The following EXT1 variants were observed in gnomAD, a reference collection of about 807,000 sequenced individuals.
EXT1 encodes exostosin glycosyltransferase 1.
A neutral mutation model predicts 82.5 loss-of-function variants in EXT1; 20 were observed. That is an observed-to-expected ratio of 0.24 (90% CI 0.17 to 0.35). The LOEUF is 0.35. EXT1 is among the 10% of genes least tolerant of loss of function. EXT1 has a pLI of 1.00. For synonymous variants in EXT1, 348 were observed against 350.8 expected (o/e 0.99, Z 0.09); for missense variants, 757 against 936.5 (o/e 0.81, Z 2.50).
chr8:117,961,345 G>A (rs568571953), intron 1 of EXT1, among the ~76,000 whole-genome samples: 1 of 152,280 alleles, frequency 6.6e-6, no homozygotes, highest in East Asian at 1.9e-4. Context: ...CAGATATGAG[G>A]AAGAAGCATA....
intron 1 of EXT1, among the ~76,000 whole-genome samples, chr8:117,973,457 T>C (rs966962287): frequency 6.6e-6 from 1 of 152,178 alleles, no homozygotes; most frequent in African/African-American, 2.4e-5. Context: ...AATTAACAGC[T>C]ATACTAGTGC....
At chr8:117,829,576 T>C (rs1368477946) in intron 4 of EXT1, among the ~76,000 whole-genome samples, 1 of 119,432 alleles carries the variant, frequency 8.4e-6, no homozygotes, top group South Asian at 2.7e-4. Flanking sequence ...TTTCTTTTTT[T>C]TTTTTTTTTT....
At chr8:117,896,487 C>T (rs1056769770) in intron 1 of EXT1, among the ~76,000 whole-genome samples, 1 of 152,122 alleles carries the variant, frequency 6.6e-6, no homozygotes, top group African/African-American at 2.4e-5. Flanking sequence ...GGTTAGCTGG[C>T]CTTTTAAAAG....
chr8:117,944,910 C>T (rs1002405461), intron 1 of EXT1, among the ~76,000 whole-genome samples: 2 of 152,190 alleles, frequency 1.3e-5, no homozygotes, highest in Non-Finnish European at 2.9e-5. Context: ...CGCCTGTAAT[C>T]CCAGCACTTT....
At chr8:117,859,541 C>A (rs1812644083) in intron 1 of EXT1, among the ~76,000 whole-genome samples, 1 of 152,018 alleles carries the variant, frequency 6.6e-6, no homozygotes, top group Admixed American at 6.6e-5. Context: ...TATAACACAC[C>A]CAACTGAATG....
At chr8:117,923,542 C>T (rs963718718) in intron 1 of EXT1, among the ~76,000 whole-genome samples, 13 of 149,718 alleles carry the variant, frequency 8.7e-5, no homozygotes, top group East Asian at 2.0e-4. Context: ...ACGGTGAAAC[C>T]CCATCTCTAC....
At chr8:117,971,492 C>T (rs1814938894) in intron 1 of EXT1, among the ~76,000 whole-genome samples, 1 of 152,126 alleles carries the variant, frequency 6.6e-6, no homozygotes, top group Non-Finnish European at 1.5e-5. Flanking sequence ...AAAAAAGCAA[C>T]TTTGAAGATA....
At chr8:118,019,623 G>C (rs1422839048) in intron 1 of EXT1, among the ~76,000 whole-genome samples, 1 of 152,202 alleles carries the variant, frequency 6.6e-6, no homozygotes, top group Admixed American at 6.5e-5. Context: ...AGATCTTAGT[G>C]TCTTTCTTTT....
At chr8:117,856,541 C>T (rs1414215069) in intron 1 of EXT1, among the ~76,000 whole-genome samples, 2 of 150,460 alleles carry the variant, frequency 1.3e-5, no homozygotes, top group East Asian at 2.0e-4. Flanking sequence ...GTTGGGATTA[C>T]AGGCGTGAGC....
chr8:117,989,649 C>T (rs1276519257), intron 1 of EXT1, among the ~76,000 whole-genome samples: 2 of 152,178 alleles, frequency 1.3e-5, no homozygotes, highest in African/African-American at 4.8e-5. Context: ...CAGTCACCCA[C>T]TCAGCCACTC....
chr8:117,902,075 A>G (rs1198752706), intron 1 of EXT1, among the ~76,000 whole-genome samples: 2 of 151,462 alleles, frequency 1.3e-5, no homozygotes, highest in Admixed American at 1.3e-4. Context: ...CACACACATT[A>G]GCCTAGAGCC....
intron 1 of EXT1, among the ~76,000 whole-genome samples, chr8:117,897,594 T>C (rs1211138304): frequency 3.0e-5 from 4 of 133,070 alleles, no homozygotes; most frequent in African/African-American, 1.1e-4. Context: ...CTTTTCTCTT[T>C]TTTTTTTTTT....
chr8:118,023,980 C>A (rs1434054060), intron 1 of EXT1, among the ~76,000 whole-genome samples: 1 of 152,206 alleles, frequency 6.6e-6, no homozygotes, highest in Non-Finnish European at 1.5e-5. Context: ...GATGTGGGAC[C>A]CTAATCTTGC....
At chr8:118,038,724 A>G (rs1302138027) in intron 1 of EXT1, among the ~76,000 whole-genome samples, 1 of 152,228 alleles carries the variant, frequency 6.6e-6, no homozygotes, top group Non-Finnish European at 1.5e-5. Context: ...AGAGAAGCTG[A>G]GCTCTGAAGT....
intron 7 of EXT1, among the ~76,000 whole-genome samples, chr8:117,816,027 G>T (rs1406317272): frequency 6.6e-6 from 1 of 151,736 alleles, no homozygotes; most frequent in African/African-American, 2.4e-5. Context: ...GGGTGGGGAG[G>T]GAGGTACATA....
intron 1 of EXT1, among the ~76,000 whole-genome samples, chr8:117,984,530 A>C (rs1470994719): frequency 6.6e-6 from 1 of 152,126 alleles, no homozygotes; most frequent in Non-Finnish European, 1.5e-5. Flanking sequence ...TTTGAGCAAA[A>C]GGGGAAGATA....
intron 1 of EXT1, among the ~76,000 whole-genome samples, chr8:117,980,331 G>C (rs972642219): frequency 6.6e-6 from 1 of 151,936 alleles, no homozygotes; most frequent in African/African-American, 2.4e-5. Context: ...AACCCCAGCT[G>C]AGACTTCCTC....
chr8:118,076,093 A>C (rs562105379), intron 1 of EXT1, among the ~76,000 whole-genome samples: 1 of 152,320 alleles, frequency 6.6e-6, no homozygotes, highest in South Asian at 2.1e-4. Flanking sequence ...TATATTCCTA[A>C]AACAAAACAT....
At chr8:117,799,943 G>A (rs1166855784) in intron 10 of EXT1, 46 bp from the exon 11 acceptor site, 1 of 1,587,470 alleles carries the variant, frequency 6.3e-7, no homozygotes, top group South Asian at 1.1e-5. Context: ...AGAAGTGCAA[G>A]GTGAGATGGA....
Sources: gnomAD v4.1 joint callset for allele counts (sites outside exome capture counted in the v4.1 genomes callset) on GRCh38, gnomAD v4.1.1 for gene constraint, MANE v1.5 for transcripts, NCBI Gene and HGNC (gene_info 2026-07-23, HGNC 2026-07-21) for gene names.